Variants in FREM1 observed in about 807,000 individuals in gnomAD.
FREM1 encodes FRAS1-related extracellular matrix protein 1.
A neutral mutation model predicts 210.1 loss-of-function variants in FREM1; 220 were observed. The observed-to-expected ratio is 1.05, with a 90% CI of 0.94 to 1.17. FREM1 has a LOEUF of 1.17. Among genes scored for constraint, FREM1 ranks in the 50% most tolerant of loss-of-function variants. FREM1 has a pLI of 0.00. For missense variants in FREM1, 3,454 were observed against 2,675.5 expected, an observed-to-expected ratio of 1.29 and a Z score of -6.42; for synonymous variants, 1,189 against 980.2, an observed-to-expected ratio of 1.21 and a Z score of -3.98.
At chr9:14,795,160 TAATAAC>T (rs1423812031) in intron 21 of FREM1, among the ~76,000 whole-genome samples, 14 of 152,198 alleles carry the variant, frequency 9.2e-5, no homozygotes, top group African/African-American at 3.4e-4. Flanking sequence ...CTGCTTGTAA[TAATAAC>T]AATAACACTT....
chr9:14,824,424 T>C (rs1821959377), intron 11 of FREM1, among the ~76,000 whole-genome samples: 1 of 152,216 alleles, frequency 6.6e-6, no homozygotes, highest in South Asian at 2.1e-4. Flanking sequence ...ATTCATGCCA[T>C]TTTTCTAGAT....
At chr9:14,818,895 C>A (rs1820778344) in intron 14 of FREM1, among the ~76,000 whole-genome samples, 2 of 152,104 alleles carry the variant, frequency 1.3e-5, no homozygotes, top group Non-Finnish European at 2.9e-5. Context: ...TGTACATTAG[C>A]CTCACAGATT....
chr9:14,837,460 T>TAAACATACACACACACACACAC (rs1203138150), intron 10 of FREM1, among the ~76,000 whole-genome samples: 3 of 139,488 alleles, frequency 2.2e-5, no homozygotes, highest in African/African-American at 7.8e-5. Context: ...CACACACACA[T>TAAACATACACACACACACACAC]ACACATACAC....
intron 15 of FREM1, 112 bp from the exon 16 acceptor site, chr9:14,813,176 C>T (rs918694325): frequency 1.1e-5 from 12 of 1,139,292 alleles, no homozygotes; most frequent in Non-Finnish European, 1.4e-5. Flanking sequence ...CTTACAGACA[C>T]ATGAAACAAC....
intron 5 of FREM1, among the ~76,000 whole-genome samples, chr9:14,856,892 T>A (rs1454442395): frequency 6.6e-6 from 1 of 151,934 alleles, no homozygotes; most frequent in Non-Finnish European, 1.5e-5. Context: ...TTCCCCGGTT[T>A]CCCCAATAAA....
chr9:14,761,979 A>C (rs997342503), intron 27 of FREM1, among the ~76,000 whole-genome samples: 8 of 152,188 alleles, frequency 5.3e-5, no homozygotes, highest in African/African-American at 1.9e-4. Context: ...TATCCTAGCA[A>C]CGTATGTGCA....
intron 21 of FREM1, among the ~76,000 whole-genome samples, chr9:14,797,209 GT>G (rs1852588142): frequency 6.6e-6 from 1 of 152,198 alleles, no homozygotes; most frequent in Non-Finnish European, 1.5e-5. Context: ...GTATTTATAT[GT>G]TTAGTAGATT....
At chr9:14,742,038 G>C (rs1376987327) in intron 35 of FREM1, among the ~76,000 whole-genome samples, 1 of 152,080 alleles carries the variant, frequency 6.6e-6, no homozygotes, top group Non-Finnish European at 1.5e-5. Context: ...ATTCGCAAAA[G>C]AAACATTTAG....
intron 23 of FREM1, among the ~76,000 whole-genome samples, chr9:14,788,309 C>G (rs1382212508): frequency 6.6e-6 from 1 of 152,096 alleles, no homozygotes; most frequent in Non-Finnish European, 1.5e-5. Context: ...CCTCCATCTT[C>G]CATTTAACTC....
chr9:14,874,259 C>T lies in FREM1; in HGVS notation c.-267-5015G>A, dbSNP rs573930028. The stretch of plus-strand genomic sequence containing the variant: ...GTCTCGTTGATCTGTCTAATGTTGA[C>T]AGTGGGGTGTTAAAGTCTCCCATTA... On this transcript the variant is annotated intron_variant, in intron 1 of 36. Transcript: ENST00000380880. Among the ~76,000 whole-genome samples, 3 of 152,044 alleles carry T rather than the reference C, an allele frequency of 2.0e-5. No individual in the cohort carries two copies. In the South Asian group the frequency reaches 6.2e-4, roughly 32 times the overall value.
chr9:14,886,516 A>G (rs891678584), intron 1 of FREM1, among the ~76,000 whole-genome samples: 1 of 152,164 alleles, frequency 6.6e-6, no homozygotes, highest in Admixed American at 6.5e-5. Flanking sequence ...CCTCAACAAG[A>G]TGGTGAAGAA....
intron 3 of FREM1, among the ~76,000 whole-genome samples, chr9:14,861,012 C>A (rs1357093274): frequency 9.5e-6 from 1 of 105,420 alleles, no homozygotes; most frequent in Non-Finnish European, 1.8e-5. Flanking sequence ...CACATATATA[C>A]ATATATACAC....
At chr9:14,792,101 C>G (rs1851469647) in intron 22 of FREM1, among the ~76,000 whole-genome samples, 1 of 152,102 alleles carries the variant, frequency 6.6e-6, no homozygotes, top group African/African-American at 2.4e-5. Context: ...CCTTGGCCTC[C>G]CAAAGTGCTG....
At chr9:14,882,450 A>T (rs1461632665) in intron 1 of FREM1, among the ~76,000 whole-genome samples, 1 of 149,532 alleles carries the variant, frequency 6.7e-6, no homozygotes, top group Non-Finnish European at 1.5e-5. Flanking sequence ...TTATTTTTTT[A>T]ATTTTCTTCT....
rs1210252779 is a variant in FREM1, at chr9:14,824,139, C to T, written c.2079-24G>A. 6.3e-6 allele frequency: 9 copies of T among 1,423,168 alleles called. No individual in the cohort carries two copies. In the Admixed American group the frequency reaches 1.2e-4, roughly 18 times the overall value. 88.2% of individuals were successfully genotyped at this position (1,423,168 alleles called of 1,614,324 possible). The stretch of plus-strand genomic sequence containing the variant: ...GTCTAAAGAGAAATACAGAGGAGCA[C>T]ATCAGCTCATTTTTAGGTAAGAAAA... On this transcript the variant is annotated intron_variant, in intron 11 of 36. Coordinates refer to ENST00000380880, the MANE Select transcript of FREM1 (RefSeq NM_001379081.2).
intron 24 of FREM1, among the ~76,000 whole-genome samples, chr9:14,783,998 C>T (rs147122351): frequency 1.3e-5 from 2 of 152,282 alleles, no homozygotes; most frequent in East Asian, 3.9e-4. Context: ...AGCTGGGAGC[C>T]TCAGCTTTTC....
At chr9:14,873,282 G>A (rs1833050361) in intron 1 of FREM1, among the ~76,000 whole-genome samples, 1 of 152,168 alleles carries the variant, frequency 6.6e-6, no homozygotes, top group African/African-American at 2.4e-5. Context: ...GAATTCGGCT[G>A]TGAATCCATC....
chr9:14,891,073 T>C (rs1197573132), intron 1 of FREM1, among the ~76,000 whole-genome samples: 1 of 152,206 alleles, frequency 6.6e-6, no homozygotes, highest in East Asian at 1.9e-4. Flanking sequence ...CCTAGGGCCT[T>C]CCCCACCAGT....
chr9:14,891,772 T>C (rs994820775), intron 1 of FREM1, among the ~76,000 whole-genome samples: 1 of 152,064 alleles, frequency 6.6e-6, no homozygotes, highest in Non-Finnish European at 1.5e-5. Context: ...AGAGAAAGAA[T>C]GTAGCATAGT....
Sources: gnomAD v4.1 joint callset for allele counts (sites outside exome capture counted in the v4.1 genomes callset) on GRCh38, gnomAD v4.1.1 for gene constraint, MANE v1.5 for transcripts, NCBI Gene and HGNC (gene_info 2026-07-23, HGNC 2026-07-21) for gene names.